The following PHF3 variants were observed in gnomAD, a reference collection of about 807,000 sequenced individuals.
The protein encoded by PHF3 is PHD finger protein 3.
Under a neutral mutation model 178.4 loss-of-function variants are expected in PHF3, and 41 were observed. The ratio of observed to expected loss-of-function variants is 0.23; its 90% CI spans 0.18 to 0.30. The LOEUF (loss-of-function observed/expected upper bound fraction) is 0.30. Ranked by LOEUF, PHF3 falls within the 10% of genes least tolerant of loss-of-function variation. The pLI is 1.00. For missense variants in PHF3, 2,346 were observed against 2,398.1 expected, an observed-to-expected ratio of 0.98 and a Z score of 0.45; for synonymous variants, 842 against 800.5, an observed-to-expected ratio of 1.05 and a Z score of -0.88.
intron 3 of PHF3, among the ~76,000 whole-genome samples, chr6:63,682,962 C>A (rs1766504273): frequency 6.6e-6 from 1 of 151,852 alleles, no homozygotes; most frequent in African/African-American, 2.4e-5. Flanking sequence ...CTTTAAAGAT[C>A]ACCTAAATAT....
chr6:63,700,804 G>T (rs1298108707), intron 9 of PHF3, among the ~76,000 whole-genome samples: 2 of 152,008 alleles, frequency 1.3e-5, no homozygotes, highest in Non-Finnish European at 2.9e-5. Flanking sequence ...GGATGGTCTC[G>T]ATCTCCTGAC....
chr6:63,705,994 A>G, intron 11 of PHF3, 35 bp from the exon 12 acceptor site: 1 of 1,513,348 alleles, frequency 6.6e-7, no homozygotes, highest in Non-Finnish European at 8.9e-7. Flanking sequence ...AGTTGTAGTT[A>G]ACAGTTGGTT....
In PHF3 at chr6:63,706,191, A is replaced by T; in HGVS notation, c.3530A>T (p.Glu1177Val). 1 of 1,613,660 alleles carries T rather than the reference A, an allele frequency of 6.2e-7. No individual in the cohort carries two copies. The highest frequency in any genetic ancestry group is 2.2e-5 in the East Asian group (1 of 44,856). Residue 1177 changes from glutamate to valine, a missense_variant, in exon 12 of 16, where the codon GAG becomes GTG. Physicochemically the swap from Glu to Val is moderately radical, Grantham distance 121. Coordinates refer to ENST00000262043, the MANE Select transcript of PHF3 (RefSeq NM_001370348.2). ...GAATTCTTTGAGGAGGAGAAACAGGAGTCTCCAAAGTCAACGTTCTCTCCT... is the reference window on the plus strand; with the variant it reads ...GAATTCTTTGAGGAGGAGAAACAGGTGTCTCCAAAGTCAACGTTCTCTCCT... ...ASEFFEEEKQ[E>V]SPKSTFSPAP...
At chr6:63,656,533 A>G (rs1255753199) in intron 2 of PHF3, among the ~76,000 whole-genome samples, 1 of 152,014 alleles carries the variant, frequency 6.6e-6, no homozygotes, top group Non-Finnish European at 1.5e-5. Context: ...TCTTTTTCCA[A>G]GATTTTGAGC....
intron 2 of PHF3, among the ~76,000 whole-genome samples, chr6:63,656,378 T>G (rs1402515712): frequency 6.6e-6 from 1 of 152,216 alleles, no homozygotes; most frequent in Non-Finnish European, 1.5e-5. Context: ...TTGCTTAAAT[T>G]TATTCCATTG....
chr6:63,701,314 A>T (rs1476130565), intron 9 of PHF3, among the ~76,000 whole-genome samples: 2 of 152,256 alleles, frequency 1.3e-5, no homozygotes, highest in Non-Finnish European at 2.9e-5. Context: ...CTGGAATGTT[A>T]TGTAATATAG....
chr6:63,718,579 C>T lies in PHF3; in HGVS notation c.*4871C>T, dbSNP rs1254222411. 2.0e-5 allele frequency among the ~76,000 whole-genome samples: 3 copies of T among 151,950 alleles called. No homozygotes were observed. The highest frequency in any genetic ancestry group is 4.4e-5 in the Non-Finnish European group (3 of 67,932). On this transcript the variant is annotated 3_prime_UTR_variant, in exon 16 of 16. Coordinates refer to ENST00000262043, the MANE Select transcript of PHF3 (RefSeq NM_001370348.2). ...TCTGACTTAGGGCTGGATTCTCTTA[C>T]CTGCCCTGCATTCAGTGTTTTGTAG...
intron 1 of PHF3, among the ~76,000 whole-genome samples, chr6:63,643,821 T>C (rs1339607875): frequency 6.6e-6 from 1 of 152,128 alleles, no homozygotes; most frequent in South Asian, 2.1e-4. Context: ...TTAAAAAAAA[T>C]CGATCTTCAA....
In PHF3 at chr6:63,680,108, TAGA is replaced by T. The variant is rs745971726; in HGVS notation, c.358_360del (p.Glu120del). On this transcript the variant is annotated inframe_deletion, in exon 3 of 16. Coordinates refer to ENST00000262043, the MANE Select transcript of PHF3 (RefSeq NM_001370348.2). ...CCTAACAGGAACTTAAGGGACAAGGTAGAAGAAAATTCAGTGAGATCTCCAAGA... is the reference window on the plus strand; with the variant it reads ...CCTAACAGGAACTTAAGGGACAAGGTAGAAAATTCAGTGAGATCTCCAAGA... 6.2e-7 allele frequency: 1 copy of T among 1,611,686 alleles called. No individual in the cohort carries two copies.
At chr6:63,694,851 AC>A in intron 6 of PHF3, 87 bp downstream of exon 6, 1 of 739,074 alleles carries the variant, frequency 1.4e-6, no homozygotes, top group Non-Finnish European at 1.9e-6. Context: ...GGGAATTTTT[AC>A]AAATTTAACA....
At chr6:63,638,903 G>C (rs1362503284) in intron 1 of PHF3, among the ~76,000 whole-genome samples, 1 of 152,118 alleles carries the variant, frequency 6.6e-6, no homozygotes, top group African/African-American at 2.4e-5. Context: ...ATTACACATG[G>C]AAAGATATTG....
intron 2 of PHF3, among the ~76,000 whole-genome samples, chr6:63,647,749 A>G (rs1294398271): frequency 6.6e-6 from 1 of 152,230 alleles, no homozygotes; most frequent in African/African-American, 2.4e-5. Context: ...TTTATAAAGC[A>G]GAGAAAATAT....
At chr6:63,660,939 G>A (rs537120151) in intron 2 of PHF3, among the ~76,000 whole-genome samples, 1 of 152,172 alleles carries the variant, frequency 6.6e-6, no homozygotes, top group African/African-American at 2.4e-5. Context: ...TTGTCCCTGT[G>A]GAACTTGAGG....
At position 63,714,798 on chromosome 6, in the gene PHF3, T is replaced by C. The variant is rs1012221105; in HGVS notation, c.*1090T>C. The C allele has an allele frequency of 6.6e-6, 1 of 152,080 alleles. No homozygotes were observed. The highest frequency in any genetic ancestry group is 1.5e-5 in the Non-Finnish European group (1 of 67,974). 9.4% of individuals were successfully genotyped at this position (152,080 alleles called of 1,614,324 possible). On this transcript the variant is annotated 3_prime_UTR_variant, in exon 16 of 16. Coordinates refer to ENST00000262043, the MANE Select transcript of PHF3 (RefSeq NM_001370348.2). Reference sequence around the variant, plus strand: ...AGACCGCAGAACTTGAAGAGAAATATGTTTTGAATCCTTTTATAAAATGTG... The same window carrying C: ...AGACCGCAGAACTTGAAGAGAAATACGTTTTGAATCCTTTTATAAAATGTG...
intron 2 of PHF3, chr6:63,679,634 A>G (rs1766339086): frequency 2.1e-5 from 7 of 338,602 alleles, no homozygotes; most frequent in South Asian, 4.9e-5. Flanking sequence ...CTTTCAGGGT[A>G]TGGAACTCCT....
chr6:63,658,572 A>G (rs1244927159), intron 2 of PHF3, among the ~76,000 whole-genome samples: 7 of 152,030 alleles, frequency 4.6e-5, no homozygotes, highest in Admixed American at 3.9e-4. Context: ...TATTTCTTTT[A>G]TGGTGTGTTT....
intron 2 of PHF3, among the ~76,000 whole-genome samples, chr6:63,670,146 T>C (rs1458910236): frequency 6.6e-6 from 1 of 152,222 alleles, no homozygotes; most frequent in African/African-American, 2.4e-5. Context: ...TTTGTAGTTA[T>C]TTGGTTATTC....
At chr6:63,686,053 G>A (rs1766690613) in intron 4 of PHF3, 142 bp downstream of exon 4, 5 of 586,350 alleles carry the variant, frequency 8.5e-6, no homozygotes, top group South Asian at 2.3e-5. Context: ...CATCAGTCTT[G>A]GATAAATGAT....
intron 2 of PHF3, among the ~76,000 whole-genome samples, chr6:63,668,008 C>T (rs1272268344): frequency 2.6e-5 from 4 of 152,180 alleles, no homozygotes; most frequent in African/African-American, 9.6e-5. Flanking sequence ...AGCGATGCAG[C>T]CTTGGCAATA....
Sources: allele counts gnomAD v4.1 joint callset (sites outside exome capture counted in the v4.1 genomes callset), GRCh38; gene constraint gnomAD v4.1.1; transcripts MANE v1.5; gene names NCBI Gene and HGNC (gene_info 2026-07-23, HGNC 2026-07-21).